PTPRN2: variants seen among roughly 807,000 people sequenced by gnomAD.
PTPRN2 encodes receptor-type tyrosine-protein phosphatase N2.
PTPRN2 carries 74 observed loss-of-function variants against 118.8 expected under a neutral mutation model. The ratio of observed to expected loss-of-function variants is 0.62; its 90% CI spans 0.52 to 0.76. The LOEUF (loss-of-function observed/expected upper bound fraction) is 0.76, where lower values mean the gene tolerates loss of function less well. Among genes scored for constraint, PTPRN2 ranks in the 30% least tolerant of loss-of-function variants. The probability of loss-of-function intolerance (pLI) is 0.00; values close to 1 mark genes in which losing one functional copy is unlikely to be tolerated. For synonymous variants in PTPRN2, 641 were observed against 608.0 expected, an observed-to-expected ratio of 1.05 and a Z score of -0.80; for missense variants, 1,481 against 1,394.4, an observed-to-expected ratio of 1.06 and a Z score of -0.99.
intron 2 of PTPRN2, among the ~76,000 whole-genome samples, chr7:158,482,424 C>T (rs755386790): frequency 2.6e-5 from 4 of 152,238 alleles, no homozygotes; most frequent in African/African-American, 9.6e-5. Flanking sequence ...CAAGCAACCA[C>T]GGCCCTGATC....
At chr7:158,262,709 TCA>T (rs202093044) in intron 3 of PTPRN2, among the ~76,000 whole-genome samples, 1,703 of 132,296 alleles carry the variant, frequency 0.013, 33 homozygotes, top group African/African-American at 0.046. Context: ...CTGCACAGAT[TCA>T]CACACATTGC....
chr7:158,124,099 T>C (rs1817415766), intron 9 of PTPRN2, among the ~76,000 whole-genome samples: 1 of 152,226 alleles, frequency 6.6e-6, no homozygotes, highest in South Asian at 2.1e-4. Flanking sequence ...ATGAACTGAA[T>C]GTTTTCCGAC....
chr7:158,527,902 A>G (rs1444797770), intron 1 of PTPRN2, among the ~76,000 whole-genome samples: 2 of 148,206 alleles, frequency 1.3e-5, no homozygotes, highest in Non-Finnish European at 3.0e-5. Context: ...TGCTGTCTCA[A>G]CCACCTTCCT....
At chr7:157,753,343 C>T (rs570699642) in intron 12 of PTPRN2, among the ~76,000 whole-genome samples, 6 of 152,288 alleles carry the variant, frequency 3.9e-5, no homozygotes, top group South Asian at 2.1e-4. Flanking sequence ...GACCCTTCAT[C>T]GGGAAAGTTG....
At position 158,489,773 on chromosome 7, in the gene PTPRN2, T is replaced by G. The variant is rs1378311276; in HGVS notation, c.125A>C (p.Glu42Ala). 5.7e-6 allele frequency: 9 copies of G among 1,580,556 alleles called. No homozygotes were observed. In the South Asian group the frequency reaches 9.3e-5, roughly 16 times the overall value. The stretch of plus-strand genomic sequence containing the variant: ...CTCGGACGCTCCGCAGAGGCCCTCC[T>G]CGAGCAGGCAGCCTGCGGGGAAACA... ...QLPGRLGCLLEEGLCGASEAC... is the reference protein window; with the variant it reads ...QLPGRLGCLLAEGLCGASEAC... The change falls in exon 2 of 23, where the codon GAG (glutamate) becomes GCG (alanine). Residue 42 changes from glutamate (E) to alanine (A), a missense_variant. Coordinates refer to ENST00000389418, the MANE Select transcript of PTPRN2 (RefSeq NM_002847.5).
intron 11 of PTPRN2, among the ~76,000 whole-genome samples, chr7:158,074,134 C>T (rs953159563): frequency 6.6e-5 from 10 of 152,172 alleles, no homozygotes; most frequent in Non-Finnish European, 1.3e-4. Flanking sequence ...GGAAACTCAG[C>T]GACGCCCACA....
intron 3 of PTPRN2, among the ~76,000 whole-genome samples, chr7:158,256,684 C>A (rs1390890243): frequency 6.6e-6 from 1 of 152,070 alleles, no homozygotes; most frequent in African/African-American, 2.4e-5. Context: ...TGTTGGACAA[C>A]CATGCACTAC....
Position 157,548,654 on chromosome 7 carries a change from G to A in PTPRN2, c.2976+292C>T, listed in dbSNP as rs898683071. On this transcript the variant is annotated intron_variant, in intron 22 of 22. Transcript: ENST00000389418. The stretch of plus-strand genomic sequence containing the variant: ...ATCGTCAACCTCTTTCTACAAAAAT[G>A]CAGCGTTCTCCCCCCACCCCCAAAT... 2.0e-5 allele frequency among the ~76,000 whole-genome samples: 3 copies of A among 152,168 alleles called. No individual in the cohort carries two copies. In the South Asian group the frequency reaches 6.2e-4, roughly 32 times the overall value.
intron 11 of PTPRN2, among the ~76,000 whole-genome samples, chr7:157,924,017 C>G (rs531858842): frequency 8.5e-5 from 13 of 152,238 alleles, no homozygotes; most frequent in African/African-American, 3.1e-4. Context: ...GTTTGGGAGA[C>G]CCCATGGGCA....
chr7:157,962,057 C>T (rs752536608), intron 11 of PTPRN2, among the ~76,000 whole-genome samples: 3 of 152,152 alleles, frequency 2.0e-5, no homozygotes, highest in Non-Finnish European at 2.9e-5. Context: ...ACACAAGCGG[C>T]GCAGTCCCTA....
At chr7:158,452,143 GGC>G (rs1818131954) in intron 2 of PTPRN2, among the ~76,000 whole-genome samples, 2 of 152,074 alleles carry the variant, frequency 1.3e-5, no homozygotes, top group African/African-American at 4.8e-5. Context: ...TCCCCACTCT[GGC>G]TTAAGTGTCC....
At chr7:158,260,185 T>C (rs780357000) in intron 3 of PTPRN2, among the ~76,000 whole-genome samples, 8 of 152,200 alleles carry the variant, frequency 5.3e-5, no homozygotes, top group Non-Finnish European at 1.0e-4. Flanking sequence ...AGCACATCAG[T>C]ACAGTCACCA....
At chr7:158,288,954 T>TG (rs913407307) in intron 3 of PTPRN2, among the ~76,000 whole-genome samples, 2 of 152,210 alleles carry the variant, frequency 1.3e-5, no homozygotes, top group African/African-American at 4.8e-5. Context: ...ACAGTATTCT[T>TG]GGTTGGCCAT....
intron 21 of PTPRN2, among the ~76,000 whole-genome samples, chr7:157,567,685 C>T (rs1799556567): frequency 6.6e-6 from 1 of 152,024 alleles, no homozygotes; most frequent in Non-Finnish European, 1.5e-5. Flanking sequence ...TTACGGAAGG[C>T]GGAGGTCTCT....
chr7:157,917,715 T>A (rs1798486160), intron 11 of PTPRN2, among the ~76,000 whole-genome samples: 1 of 152,206 alleles, frequency 6.6e-6, no homozygotes, highest in Non-Finnish European at 1.5e-5. Flanking sequence ...ATGTTTATCT[T>A]CAGCAATTTT....
At chr7:157,562,911 C>G (rs1199613480) in intron 21 of PTPRN2, among the ~76,000 whole-genome samples, 2 of 137,742 alleles carry the variant, frequency 1.5e-5, no homozygotes, top group African/African-American at 2.8e-5. Context: ...CATCACCACA[C>G]ACCACAGATC....
chr7:158,330,482 C>A (rs377051175), intron 2 of PTPRN2, among the ~76,000 whole-genome samples: 201 of 21,914 alleles, frequency 9.2e-3, no homozygotes, highest in Middle Eastern at 0.062. Flanking sequence ...CACTCTCACC[C>A]TAAGAGGTGA....
At chr7:157,574,070 C>T (rs544141164) in intron 19 of PTPRN2, among the ~76,000 whole-genome samples, 5 of 152,088 alleles carry the variant, frequency 3.3e-5, no homozygotes, top group Non-Finnish European at 5.9e-5. Flanking sequence ...ATGTAGACCA[C>T]GAGTTATTCA....
intron 11 of PTPRN2, among the ~76,000 whole-genome samples, chr7:158,047,075 A>C (rs985123928): frequency 6.6e-6 from 1 of 152,186 alleles, no homozygotes; most frequent in Non-Finnish European, 1.5e-5. Context: ...GATACACTCA[A>C]CTCAAACCAC....
Sources: gnomAD v4.1 joint callset for allele counts (sites outside exome capture counted in the v4.1 genomes callset) on GRCh38, gnomAD v4.1.1 for gene constraint, MANE v1.5 for transcripts, NCBI Gene and HGNC (gene_info 2026-07-23, HGNC 2026-07-21) for gene names.